ASAH2: variants seen among roughly 807,000 people sequenced by gnomAD.
ASAH2 encodes N-acylsphingosine amidohydrolase 2, also known as neutral ceramidase.
Under a neutral mutation model 82.9 loss-of-function variants are expected in ASAH2, and 58 were observed. That is an observed-to-expected ratio of 0.70 (90% CI 0.57 to 0.87). The LOEUF (loss-of-function observed/expected upper bound fraction) is 0.87. Among genes scored for constraint, ASAH2 ranks in the 40% least tolerant of loss-of-function variants. ASAH2 has a pLI of 0.00. For missense variants in ASAH2, 779 were observed against 834.0 expected (o/e 0.93, Z 0.81); for synonymous variants, 276 against 289.7 (o/e 0.95, Z 0.48).
intron 18 of ASAH2, among the ~76,000 whole-genome samples, chr10:50,193,532 A>G (rs1844896648): frequency 6.6e-6 from 1 of 151,402 alleles, no homozygotes; most frequent in Non-Finnish European, 1.5e-5. Context: ...TACAGAGAAC[A>G]GTCCCCAGGC....
Position 50,234,507 on chromosome 10 carries a change from T to C in ASAH2, c.733A>G (p.Ile245Val). 1 of 1,613,028 alleles carries C rather than the reference T, an allele frequency of 6.2e-7. No homozygotes were observed. The highest frequency in any genetic ancestry group is 8.5e-7 in the Non-Finnish European group (1 of 1,179,264). Residue 245 changes from isoleucine (I) to valine (V), a missense_variant, in exon 6 of 21, where the codon ATC becomes GTC. This residue lies in a region of ASAH2 where 759 missense variants were observed against 755.2 expected (regional missense o/e 1.00). Transcript: ENST00000682911. ...HTNMKPGKIF[I>V]NKGNVDGVQI... ...ACACCATCCACATTTCCTTTATTGA[T>C]GAAGATTTTGCCTGGTTTCATATTT... is the stretch of plus-strand genomic sequence containing the variant.
intron 16 of ASAH2, among the ~76,000 whole-genome samples, chr10:50,199,684 C>G (rs1845088544): frequency 1.3e-5 from 2 of 148,482 alleles, no homozygotes; most frequent in Admixed American, 1.3e-4. Flanking sequence ...TCAGACATAC[C>G]AGCTTCCTCC....
At chr10:50,237,222 CTT>C (rs1846184403) in intron 4 of ASAH2, among the ~76,000 whole-genome samples, 1 of 152,162 alleles carries the variant, frequency 6.6e-6, no homozygotes, top group Non-Finnish European at 1.5e-5. Flanking sequence ...GAAACGAACT[CTT>C]AGACTTGTTG....
chr10:50,245,297 T>C lies in ASAH2; in HGVS notation c.285A>G (p.Leu95=), dbSNP rs201282742. ...TATGGTAGCCACTGAAGTTCTGAAA[T>C]AGAGGAGACTCTGGGGTTAAAGGCA... ...SPVPLTPESP[L]FQNFSGYHIG... Residue 95 remains leucine, a synonymous_variant, in exon 3 of 21, where the codon CTA becomes CTG. Transcript: ENST00000682911. 179 of 1,613,982 alleles carry C rather than the reference T, an allele frequency of 1.1e-4. No homozygotes were observed. The highest frequency in any genetic ancestry group is 1.4e-4 in the Non-Finnish European group (169 of 1,180,014).
intron 7 of ASAH2, among the ~76,000 whole-genome samples, chr10:50,222,955 T>G (rs1033346679): frequency 4.6e-5 from 7 of 152,184 alleles, no homozygotes; most frequent in Non-Finnish European, 1.0e-4. Context: ...TGAATACATC[T>G]CTAATAATAA....
chr10:50,204,070 GGA>G (rs1456575389), intron 14 of ASAH2, among the ~76,000 whole-genome samples: 1 of 151,982 alleles, frequency 6.6e-6, no homozygotes, highest in African/African-American at 2.4e-5. Flanking sequence ...TGAGTAAAGG[GGA>G]GAGAGGTAAG....
At chr10:50,233,289 C>T in intron 6 of ASAH2, 28 bp from the exon 7 acceptor site, 4 of 1,527,710 alleles carry the variant, frequency 2.6e-6, no homozygotes, top group Non-Finnish European at 3.6e-6. Flanking sequence ...AAAGCACAGT[C>T]AGTTCTGTGT....
At chr10:50,235,682 C>A (rs1846141693) in intron 5 of ASAH2, among the ~76,000 whole-genome samples, 1 of 152,086 alleles carries the variant, frequency 6.6e-6, no homozygotes, top group Non-Finnish European at 1.5e-5. Flanking sequence ...TAGAAGCCTT[C>A]TTTTCCAATC....
At chr10:50,212,837 A>T (rs1467476005) in intron 10 of ASAH2, 135 bp downstream of exon 10, 7 of 876,184 alleles carry the variant, frequency 8.0e-6, no homozygotes, top group Non-Finnish European at 1.3e-5. Context: ...TCCCAAGCTG[A>T]CCTCTTCTAG....
At chr10:50,225,006 A>G (rs1845841924) in intron 7 of ASAH2, among the ~76,000 whole-genome samples, 1 of 152,210 alleles carries the variant, frequency 6.6e-6, no homozygotes, top group African/African-American at 2.4e-5. Flanking sequence ...CATCCTGCAG[A>G]ATATTTCTAC....
chr10:50,249,231 G>A (rs1171008366), intron 1 of ASAH2, among the ~76,000 whole-genome samples: 1 of 152,016 alleles, frequency 6.6e-6, no homozygotes, highest in Admixed American at 6.6e-5. Flanking sequence ...TAGTACCTCT[G>A]GTCTGAAGGC....
At chr10:50,219,566 C>G (rs1845690746) in intron 7 of ASAH2, among the ~76,000 whole-genome samples, 1 of 152,158 alleles carries the variant, frequency 6.6e-6, no homozygotes, top group Non-Finnish European at 1.5e-5. Flanking sequence ...CATAAACTGT[C>G]AGGTTAACTT....
At chr10:50,202,739 C>T (rs1845185703) in intron 16 of ASAH2, 90 bp downstream of exon 16, 1 of 913,418 alleles carries the variant, frequency 1.1e-6, no homozygotes, top group Admixed American at 1.7e-5. Flanking sequence ...AGAAACATGA[C>T]TGGGAAAGTT....
intron 4 of ASAH2, 54 bp from the exon 5 acceptor site, chr10:50,236,118 A>C (rs1846153781): frequency 6.6e-7 from 1 of 1,520,586 alleles, no homozygotes; most frequent in African/African-American, 1.4e-5. Flanking sequence ...GGAGCTCAAC[A>C]TGAGAAAAGG....
At chr10:50,218,472 T>C in intron 8 of ASAH2, 38 bp downstream of exon 8, 1 of 1,613,438 alleles carries the variant, frequency 6.2e-7, no homozygotes, top group East Asian at 2.2e-5. Flanking sequence ...TGACACTCAG[T>C]GAATCAAGAT....
chr10:50,226,213 G>T lies in ASAH2; in HGVS notation c.893+6971C>A, dbSNP rs954021432. 1.9e-3 allele frequency among the ~76,000 whole-genome samples: 289 copies of T among 152,230 alleles called. 3 individuals carry two copies. The highest frequency in any genetic ancestry group is 3.4e-3 in the Middle Eastern group (1 of 294). The stretch of plus-strand genomic sequence containing the variant: ...GATACATAGAATGGAATACTACATG[G>T]CAATTTTTAAATGGTGATTTAAAAA... On this transcript the variant is annotated intron_variant, in intron 7 of 20. Transcript: ENST00000682911.
At chr10:50,202,799 C>A in intron 16 of ASAH2, 30 bp downstream of exon 16, 4 of 1,420,338 alleles carry the variant, frequency 2.8e-6, no homozygotes. Flanking sequence ...GGGTATAATT[C>A]ATTTAAATGA....
chr10:50,202,968 T>C, intron 15 of ASAH2, 44 bp from the exon 16 acceptor site: 1 of 1,205,906 alleles, frequency 8.3e-7, no homozygotes, highest in Admixed American at 1.7e-5. Context: ...TCTTCATCTT[T>C]ACGTATATTT....
intron 7 of ASAH2, among the ~76,000 whole-genome samples, chr10:50,226,426 T>C (rs1845886372): frequency 6.6e-6 from 1 of 152,152 alleles, no homozygotes; most frequent in African/African-American, 2.4e-5. Flanking sequence ...TCCACACGAT[T>C]TTTTGACTTT....
Sources: gnomAD v4.1 joint callset for allele counts (sites outside exome capture counted in the v4.1 genomes callset) on GRCh38, gnomAD v4.1.1 for gene constraint, gnomAD v4.1.1 regional missense constraint, MANE v1.5 for transcripts, NCBI Gene and HGNC (gene_info 2026-07-23, HGNC 2026-07-21) for gene names.